ULK4: variants seen among roughly 807,000 people sequenced by gnomAD.
ULK4 encodes the protein inactive serine/threonine-protein kinase ULK4.
A neutral mutation model predicts 160.6 loss-of-function variants in ULK4; 133 were observed. The ratio of observed to expected loss-of-function variants is 0.83; its 90% CI spans 0.72 to 0.96. ULK4 has a LOEUF of 0.96. Among genes scored for constraint, ULK4 ranks in the 40% least tolerant of loss-of-function variants. The pLI, the probability that ULK4 is intolerant of heterozygous loss-of-function variation, is 0.00. For missense variants in ULK4, 1,580 were observed against 1,499.5 expected (o/e 1.05, Z -0.89); for synonymous variants, 534 against 539.8 (o/e 0.99, Z 0.15).
rs78932295 is a variant in ULK4 at position 41,748,908 on chromosome 3, T to C, written c.2321+5453A>G. 6.6e-5 allele frequency among the ~76,000 whole-genome samples: 10 copies of C among 152,292 alleles called. No homozygotes were observed. In the East Asian group the frequency reaches 1.2e-3, roughly 18 times the overall value. ...TTCCTTGTGCCTTTCCACAACTGCG[T>C]AGCCCTCCATTCTGGGGATGGTGGT... On this transcript the variant is annotated intron_variant, in intron 22 of 36. Transcript: ENST00000301831.
Position 41,246,641 on chromosome 3 carries a change from C to CCTTA in ULK4, c.*284_*287dup, listed in dbSNP as rs1356639521. 5 of 388,892 alleles carry CCTTA rather than the reference C, an allele frequency of 1.3e-5. No homozygotes were observed. The highest frequency in any genetic ancestry group is 2.4e-5 in the Non-Finnish European group (5 of 209,938). The allele number at this position is 388,892 out of a possible 1,614,324, so 24.1% of individuals were successfully genotyped here. The stretch of plus-strand genomic sequence containing the variant: ...GCTTTATTACCACAGGCAGTGCTAA[C>CCTTA]CTTAGCCCACCTGGCCCACACAGAG... On this transcript the variant is annotated 3_prime_UTR_variant, in exon 37 of 37. Coordinates refer to ENST00000301831, the MANE Select transcript of ULK4 (RefSeq NM_017886.4).
intron 35 of ULK4, among the ~76,000 whole-genome samples, chr3:41,303,135 C>T (rs1452510127): frequency 6.6e-6 from 1 of 152,036 alleles, no homozygotes; most frequent in Non-Finnish European, 1.5e-5. Flanking sequence ...TATAGTATTG[C>T]CTCTGATAAT....
At chr3:41,681,116 A>G (rs1280959008) in intron 29 of ULK4, among the ~76,000 whole-genome samples, 1 of 152,182 alleles carries the variant, frequency 6.6e-6, no homozygotes, top group Non-Finnish European at 1.5e-5. Flanking sequence ...AGTTTGGAGA[A>G]GGGGATTACC....
At chr3:41,954,319 C>A (rs1049418667) in intron 2 of ULK4, among the ~76,000 whole-genome samples, 6 of 150,424 alleles carry the variant, frequency 4.0e-5, no homozygotes, top group African/African-American at 1.5e-4. Flanking sequence ...CAGTGCACTC[C>A]AGTCTGGGCA....
At chr3:41,388,947 T>C (rs2081888813) in intron 35 of ULK4, among the ~76,000 whole-genome samples, 1 of 152,056 alleles carries the variant, frequency 6.6e-6, no homozygotes, top group South Asian at 2.1e-4. Flanking sequence ...TGGCATTGAA[T>C]CTGTAAATTA....
chr3:41,845,774 C>A (rs2042056640), intron 17 of ULK4, among the ~76,000 whole-genome samples: 1 of 152,050 alleles, frequency 6.6e-6, no homozygotes, highest in African/African-American at 2.4e-5. Context: ...TTGTCCCCCC[C>A]AAATCTCATG....
At chr3:41,357,504 C>G (rs1311043297) in intron 35 of ULK4, among the ~76,000 whole-genome samples, 1 of 152,090 alleles carries the variant, frequency 6.6e-6, no homozygotes, top group Non-Finnish European at 1.5e-5. Context: ...GGTCTGCTTC[C>G]CGCGGTGTCA....
chr3:41,781,627 T>C (rs2039844024), intron 21 of ULK4, among the ~76,000 whole-genome samples: 1 of 152,050 alleles, frequency 6.6e-6, no homozygotes, highest in Admixed American at 6.6e-5. Context: ...ATAAATGAAG[T>C]AGGAATATAA....
intron 34 of ULK4, among the ~76,000 whole-genome samples, chr3:41,407,531 C>T (rs944439810): frequency 6.6e-6 from 1 of 152,138 alleles, no homozygotes; most frequent in African/African-American, 2.4e-5. Flanking sequence ...TAGACCATTA[C>T]CAAGTGGGAT....
intron 35 of ULK4, among the ~76,000 whole-genome samples, chr3:41,272,498 T>C (rs1017524997): frequency 2.0e-5 from 3 of 152,080 alleles, no homozygotes. Context: ...CCTCTGCATG[T>C]AATGCTTCCT....
At chr3:41,820,723 G>A (rs2041120354) in intron 18 of ULK4, among the ~76,000 whole-genome samples, 2 of 152,042 alleles carry the variant, frequency 1.3e-5, no homozygotes, top group Non-Finnish European at 2.9e-5. Context: ...CCAAACCGCA[G>A]CATCATCCAA....
At chr3:41,955,125 A>C (rs995391196) in intron 1 of ULK4, among the ~76,000 whole-genome samples, 39 of 152,200 alleles carry the variant, frequency 2.6e-4, no homozygotes, top group African/African-American at 9.1e-4. Flanking sequence ...CCCTGTCTCT[A>C]CTAAAAATAC....
intron 30 of ULK4, among the ~76,000 whole-genome samples, chr3:41,631,824 C>A (rs2033759344): frequency 6.6e-6 from 1 of 151,940 alleles, no homozygotes; most frequent in African/African-American, 2.4e-5. Flanking sequence ...TCCTTCCAAC[C>A]CTGGTTGCTA....
chr3:41,743,306 A>C (rs905688200), intron 22 of ULK4, among the ~76,000 whole-genome samples: 2 of 151,846 alleles, frequency 1.3e-5, no homozygotes, highest in African/African-American at 4.9e-5. Flanking sequence ...GACAGAAGAA[A>C]GTAGAAAAAT....
intron 20 of ULK4, among the ~76,000 whole-genome samples, chr3:41,794,683 AAAAC>A (rs2040250328): frequency 7.9e-6 from 1 of 126,798 alleles, no homozygotes; most frequent in Non-Finnish European, 1.6e-5. Context: ...AAAAAAAAAA[AAAAC>A]ACAGAAAAAA....
chr3:41,918,383 C>T, intron 7 of ULK4, 74 bp downstream of exon 7: 2 of 971,776 alleles, frequency 2.1e-6, no homozygotes, highest in Non-Finnish European at 3.0e-6. Flanking sequence ...TCAATAAAAG[C>T]AAACGTTGGA....
chr3:41,625,417 C>T (rs2033456856), intron 30 of ULK4, among the ~76,000 whole-genome samples: 1 of 152,150 alleles, frequency 6.6e-6, no homozygotes. Flanking sequence ...CTCACACAAG[C>T]ATAGGTCCAA....
intron 2 of ULK4, among the ~76,000 whole-genome samples, chr3:41,940,110 C>G (rs1286104278): frequency 6.6e-6 from 1 of 151,920 alleles, no homozygotes; most frequent in African/African-American, 2.4e-5. Context: ...TGAGCTCCTT[C>G]CTCAGGAAAG....
chr3:41,454,755 C>CG (rs2083503752), intron 34 of ULK4, among the ~76,000 whole-genome samples: 2 of 151,852 alleles, frequency 1.3e-5, no homozygotes, highest in Admixed American at 6.6e-5. Context: ...TGAAGTGGCA[C>CG]GATCTTGGTT....
Sources: allele counts gnomAD v4.1 joint callset (sites outside exome capture counted in the v4.1 genomes callset), GRCh38; gene constraint gnomAD v4.1.1; transcripts MANE v1.5; gene names NCBI Gene and HGNC (gene_info 2026-07-23, HGNC 2026-07-21).